The following C12orf42 variants were observed in gnomAD, a reference collection of about 807,000 sequenced individuals.
C12orf42 encodes the protein uncharacterized protein C12orf42.
In C12orf42, 25 loss-of-function variants were observed where a neutral mutation model predicts 21.6. The ratio of observed to expected loss-of-function variants is 1.16; its 90% confidence interval spans 0.84 to 1.62. C12orf42 has a LOEUF of 1.62. C12orf42 is among the 40% of genes most tolerant of loss of function. The pLI is 0.00. For missense variants in C12orf42, 483 were observed against 459.3 expected (o/e 1.05, Z -0.47); for synonymous variants, 174 against 175.0 (o/e 0.99, Z 0.05).
chr12:103,398,819 G>GCCTA (rs2047745851), intron 3 of C12orf42, among the ~76,000 whole-genome samples: 1 of 151,886 alleles, frequency 6.6e-6, no homozygotes, highest in Non-Finnish European at 1.5e-5. Flanking sequence ...AGTTCCACGG[G>GCCTA]CCTACCCTTG....
the C12orf42 span, among the ~76,000 whole-genome samples, chr12:103,510,352 T>G: frequency 6.6e-6 from 1 of 152,208 alleles, no homozygotes; most frequent in East Asian, 1.9e-4. Flanking sequence ...CTTTGGGGAT[T>G]TGGGGGTAAG....
intron 4 of C12orf42, among the ~76,000 whole-genome samples, chr12:103,343,419 T>A (rs940638506): frequency 1.3e-5 from 2 of 152,056 alleles, no homozygotes; most frequent in African/African-American, 2.4e-5. Context: ...ATAGAAGTCA[T>A]TATGTAGTTG....
At chr12:103,302,622 C>T (rs1255284988) in intron 5 of C12orf42, 63 bp from the exon 6 acceptor site, 2 of 1,394,636 alleles carry the variant, frequency 1.4e-6, no homozygotes, top group Non-Finnish European at 9.7e-7. Flanking sequence ...CCACACCGCA[C>T]CCCCGCGACA....
chr12:103,464,909 T>G (rs187883182), intron 2 of C12orf42, among the ~76,000 whole-genome samples: 2 of 152,222 alleles, frequency 1.3e-5, no homozygotes, highest in African/African-American at 4.8e-5. Context: ...ATCTCTATTC[T>G]GTTACATTGG....
the C12orf42 span, among the ~76,000 whole-genome samples, chr12:103,056,708 T>C: frequency 6.6e-6 from 1 of 152,142 alleles, no homozygotes; most frequent in Non-Finnish European, 1.5e-5. Flanking sequence ...TCACTGATCC[T>C]TTTTTCTATT....
chr12:103,295,716 A>G (rs1442862543), intron 4 of C12orf42, among the ~76,000 whole-genome samples: 1 of 152,192 alleles, frequency 6.6e-6, no homozygotes, highest in African/African-American at 2.4e-5. Context: ...ATGATAATAT[A>G]CGTACTAATT....
chr12:103,206,244 C>G, the C12orf42 span, among the ~76,000 whole-genome samples: 526 of 152,356 alleles, frequency 3.5e-3, 1 homozygote, highest in African/African-American at 0.011. Flanking sequence ...GAACTGGCTT[C>G]TTCCTCTACT....
the C12orf42 span, among the ~76,000 whole-genome samples, chr12:103,223,382 G>T: frequency 6.6e-6 from 1 of 152,130 alleles, no homozygotes; most frequent in Non-Finnish European, 1.5e-5. Flanking sequence ...CCTGGATATG[G>T]TTTTGGATGA....
the C12orf42 span, among the ~76,000 whole-genome samples, chr12:103,534,657 T>A: frequency 6.6e-6 from 1 of 152,172 alleles, no homozygotes; most frequent in South Asian, 2.1e-4. Context: ...ATGAAATGAA[T>A]AAGCAATTAT....
At chr12:103,378,928 T>TA (rs1388416087) in intron 3 of C12orf42, 2 of 152,092 alleles carry the variant, frequency 1.3e-5, no homozygotes, top group Non-Finnish European at 2.9e-5. Flanking sequence ...AGGGAAAAGA[T>TA]AATGTTTGCA....
At chr12:103,315,643 A>C (rs996430762) in intron 4 of C12orf42, among the ~76,000 whole-genome samples, 1 of 146,632 alleles carries the variant, frequency 6.8e-6, no homozygotes, top group African/African-American at 2.8e-5. Context: ...AGAAAAAAAT[A>C]TATGAAATAA....
chr12:103,438,420 G>A (rs984790881), intron 2 of C12orf42, among the ~76,000 whole-genome samples: 9 of 151,972 alleles, frequency 5.9e-5, no homozygotes, highest in Non-Finnish European at 8.8e-5. Context: ...AATCAGGCAG[G>A]AGAAAGAAAT....
the C12orf42 span, among the ~76,000 whole-genome samples, chr12:103,157,919 T>G: frequency 2.7e-3 from 404 of 152,336 alleles, 1 homozygote; most frequent in African/African-American, 9.3e-3. Flanking sequence ...GGTATGGAAA[T>G]TCAGAAATAG....
At chr12:103,372,440 C>T (rs754475787) in intron 3 of C12orf42, among the ~76,000 whole-genome samples, 26 of 152,008 alleles carry the variant, frequency 1.7e-4, no homozygotes, top group African/African-American at 6.0e-4. Context: ...GCAGTCATCC[C>T]GGGTGACTGA....
chr12:103,256,106 A>ATG (rs2136210133), intron 10 of C12orf42, among the ~76,000 whole-genome samples: 1 of 38,742 alleles, frequency 2.6e-5, no homozygotes, highest in African/African-American at 7.8e-5. Context: ...ATATATATAT[A>ATG]TATATACACA....
At chr12:103,435,159 A>C (rs1175938223) in intron 2 of C12orf42, among the ~76,000 whole-genome samples, 1 of 152,222 alleles carries the variant, frequency 6.6e-6, no homozygotes, top group East Asian at 1.9e-4. Flanking sequence ...CTCACACAGC[A>C]GGGTATTCCA....
At chr12:103,468,748 A>T (rs1164470033) in intron 2 of C12orf42, among the ~76,000 whole-genome samples, 1 of 152,032 alleles carries the variant, frequency 6.6e-6, no homozygotes, top group East Asian at 1.9e-4. Flanking sequence ...CGGGTCGATG[A>T]ATTCACCCAA....
intron 3 of C12orf42, among the ~76,000 whole-genome samples, chr12:103,385,686 T>G (rs1259701856): frequency 6.6e-6 from 1 of 152,224 alleles, no homozygotes; most frequent in Non-Finnish European, 1.5e-5. Context: ...AATTCTAAAT[T>G]TCACTTGCCC....
At position 103,333,590 on chromosome 12, in the gene C12orf42, A is replaced by G. The variant is rs2041433736; in HGVS notation, c.260-27245T>C. 1.3e-5 allele frequency among the ~76,000 whole-genome samples: 2 copies of G among 152,352 alleles called. 1 individual carries two copies. The highest frequency in any genetic ancestry group is 6.8e-3 in the Middle Eastern group (2 of 294). Reference sequence around the variant, plus strand: ...AAACCATTTTTTTCCATTTATAGCTATAGCAGATAAACTGTGCCCTGGCTC... The same window carrying G: ...AAACCATTTTTTTCCATTTATAGCTGTAGCAGATAAACTGTGCCCTGGCTC... On this transcript the variant is annotated intron_variant, in intron 4 of 5. Coordinates refer to ENST00000548883, the MANE Select transcript of C12orf42 (RefSeq NM_198521.5).
Sources: allele counts gnomAD v4.1 joint callset (sites outside exome capture counted in the v4.1 genomes callset), GRCh38; gene constraint gnomAD v4.1.1; transcripts MANE v1.5; gene names NCBI Gene and HGNC (gene_info 2026-07-23, HGNC 2026-07-21).